PITPNC1: variants seen among roughly 807,000 people sequenced by gnomAD.
The protein encoded by PITPNC1 is cytoplasmic phosphatidylinositol transfer protein 1.
PITPNC1 carries 18 observed loss-of-function variants against 44.7 expected under a neutral mutation model. The observed-to-expected ratio is 0.40, with a 90% CI of 0.28 to 0.60. PITPNC1 has a LOEUF of 0.60. Among genes scored for constraint, PITPNC1 ranks in the 20% least tolerant of loss-of-function variants. The pLI, the probability that PITPNC1 is intolerant of heterozygous loss-of-function variation, is 0.39. For missense variants in PITPNC1, 290 were observed against 418.4 expected (o/e 0.69, Z 2.68); for synonymous variants, 141 against 149.6 (o/e 0.94, Z 0.42).
At chr17:67,618,330 A>G (rs1185001466) in intron 5 of PITPNC1, among the ~76,000 whole-genome samples, 1 of 126,110 alleles carries the variant, frequency 7.9e-6, no homozygotes, top group Non-Finnish European at 1.5e-5. Flanking sequence ...GCGCCACTGC[A>G]CTCCAGCCTG....
intron 6 of PITPNC1, among the ~76,000 whole-genome samples, chr17:67,657,623 A>C (rs913884922): frequency 7.3e-5 from 11 of 150,650 alleles, no homozygotes; most frequent in Non-Finnish European, 1.5e-4. Context: ...CATGAAACCA[A>C]ATTACCACTT....
intron 4 of PITPNC1, among the ~76,000 whole-genome samples, chr17:67,559,145 C>G (rs2040875332): frequency 6.6e-6 from 1 of 152,222 alleles, no homozygotes; most frequent in South Asian, 2.1e-4. Context: ...TCCTCCCAAG[C>G]CCCGTCTCCT....
intron 6 of PITPNC1, among the ~76,000 whole-genome samples, chr17:67,644,016 G>A (rs1348186713): frequency 6.6e-6 from 1 of 152,186 alleles, no homozygotes; most frequent in African/African-American, 2.4e-5. Context: ...TCAGGATCAT[G>A]GGATCCTCCG....
intron 5 of PITPNC1, among the ~76,000 whole-genome samples, chr17:67,615,982 C>G (rs1274018528): frequency 6.6e-6 from 1 of 152,116 alleles, no homozygotes; most frequent in African/African-American, 2.4e-5. Context: ...TTAGGCCAAA[C>G]TCATGAAAGG....
chr17:67,618,131 C>CG (rs1171688713), intron 5 of PITPNC1, among the ~76,000 whole-genome samples: 1 of 151,934 alleles, frequency 6.6e-6, no homozygotes, highest in South Asian at 2.1e-4. Context: ...GAGACCAAGG[C>CG]GGGGGGTGGA....
At position 67,490,495 on chromosome 17, in the gene PITPNC1, T is replaced by C. The variant is rs562642753; in HGVS notation, c.49-42307T>C. 2.0e-3 allele frequency among the ~76,000 whole-genome samples: 297 copies of C among 152,148 alleles called. 2 individuals are homozygous for C. The highest frequency in any genetic ancestry group is 6.2e-3 in the Admixed American group (94 of 15,252). On this transcript the variant is annotated intron_variant, in intron 1 of 8. Coordinates refer to ENST00000581322, the MANE Select transcript of PITPNC1 (RefSeq NM_012417.4). ...ACGACTCTGAATGAACAGGTGGAATTGATGGGGAGTGAGGAGGCTTGGAGA... is the reference window on the plus strand; with the variant it reads ...ACGACTCTGAATGAACAGGTGGAATCGATGGGGAGTGAGGAGGCTTGGAGA...
chr17:67,610,202 C>T (rs1351097321), intron 5 of PITPNC1, among the ~76,000 whole-genome samples: 1 of 152,110 alleles, frequency 6.6e-6, no homozygotes, highest in African/African-American at 2.4e-5. Context: ...CACCCTAGAC[C>T]CACTGAATCG....
At chr17:67,514,185 C>T (rs1425443958) in intron 1 of PITPNC1, among the ~76,000 whole-genome samples, 2 of 151,806 alleles carry the variant, frequency 1.3e-5, no homozygotes, top group South Asian at 2.1e-4. Context: ...GTAGAATTCA[C>T]GGGTTTTTTG....
chr17:67,425,316 T>C (rs567031071), intron 1 of PITPNC1, among the ~76,000 whole-genome samples: 25 of 149,622 alleles, frequency 1.7e-4, no homozygotes, highest in African/African-American at 6.1e-4. Context: ...ATCACCATGG[T>C]ATGGGAGAAT....
At chr17:67,541,261 G>A (rs1000120592) in intron 2 of PITPNC1, among the ~76,000 whole-genome samples, 2 of 152,002 alleles carry the variant, frequency 1.3e-5, no homozygotes, top group African/African-American at 4.8e-5. Context: ...AAGACTGAGT[G>A]AGGATCCAGA....
intron 6 of PITPNC1, among the ~76,000 whole-genome samples, chr17:67,643,165 C>G (rs968980748): frequency 1.3e-5 from 2 of 152,118 alleles, no homozygotes; most frequent in Non-Finnish European, 2.9e-5. Context: ...TTTGGGACGC[C>G]AAGGCAGGCA....
chr17:67,652,794 G>A (rs1007019033), intron 6 of PITPNC1, among the ~76,000 whole-genome samples: 2 of 152,148 alleles, frequency 1.3e-5, no homozygotes, highest in African/African-American at 2.4e-5. Context: ...GAGTGACCGC[G>A]GAACCTAGAA....
intron 1 of PITPNC1, among the ~76,000 whole-genome samples, chr17:67,385,493 T>TC (rs1368764156): frequency 1.1e-5 from 1 of 92,882 alleles, no homozygotes; most frequent in Non-Finnish European, 2.3e-5. Flanking sequence ...CCCCCTCCCC[T>TC]CCCCCCAGGC....
chr17:67,637,091 G>A (rs1056733465), intron 6 of PITPNC1, among the ~76,000 whole-genome samples: 1 of 152,196 alleles, frequency 6.6e-6, no homozygotes, highest in Non-Finnish European at 1.5e-5. Flanking sequence ...TGAGCTCTGC[G>A]AAGACAAGAG....
chr17:67,554,826 G>A (rs1238659228), intron 4 of PITPNC1, among the ~76,000 whole-genome samples: 1 of 152,206 alleles, frequency 6.6e-6, no homozygotes, highest in Non-Finnish European at 1.5e-5. Flanking sequence ...CTCACTGCCA[G>A]AATTCCTAAG....
intron 1 of PITPNC1, among the ~76,000 whole-genome samples, chr17:67,431,537 G>A (rs902954310): frequency 3.3e-5 from 5 of 152,178 alleles, no homozygotes; most frequent in Admixed American, 6.5e-5. Context: ...TTTTTAAGTT[G>A]TGGTTTTGGC....
chr17:67,572,440 C>G (rs1731347533), intron 4 of PITPNC1, among the ~76,000 whole-genome samples: 1 of 124,370 alleles, frequency 8.0e-6, no homozygotes, highest in Admixed American at 1.1e-4. Flanking sequence ...AAAGGAGATG[C>G]TTTAACACCT....
chr17:67,492,366 G>A (rs2039876802), intron 1 of PITPNC1, among the ~76,000 whole-genome samples: 1 of 152,192 alleles, frequency 6.6e-6, no homozygotes, highest in African/African-American at 2.4e-5. Context: ...CAGACACACA[G>A]GAAGGAAACA....
intron 5 of PITPNC1, among the ~76,000 whole-genome samples, chr17:67,614,607 G>A (rs2041733193): frequency 6.6e-6 from 1 of 151,544 alleles, no homozygotes; most frequent in African/African-American, 2.4e-5. Context: ...GGGAGGCAGA[G>A]GCTGGAGTGA....
Sources: gnomAD v4.1 joint callset for allele counts (sites outside exome capture counted in the v4.1 genomes callset) on GRCh38, gnomAD v4.1.1 for gene constraint, MANE v1.5 for transcripts, NCBI Gene and HGNC (gene_info 2026-07-23, HGNC 2026-07-21) for gene names.